Variants in MYO5A observed in about 807,000 individuals in gnomAD.
The protein encoded by MYO5A is myosin VA, also known as unconventional myosin-Va.
Under a neutral mutation model 249.7 loss-of-function variants are expected in MYO5A, and 98 were observed. The observed-to-expected ratio is 0.39, with a 90% CI of 0.33 to 0.46. The LOEUF is 0.46. Among genes scored for constraint, MYO5A ranks in the 20% least tolerant of loss-of-function variants. The pLI is 0.98. For synonymous variants in MYO5A, 778 were observed against 810.6 expected (o/e 0.96, Z 0.68); for missense variants, 1,696 against 2,308.8 (o/e 0.73, Z 5.44).
intron 1 of MYO5A, among the ~76,000 whole-genome samples, chr15:52,455,902 G>A (rs749151693): frequency 7.9e-5 from 12 of 151,808 alleles, no homozygotes; most frequent in Non-Finnish European, 1.3e-4. Context: ...TCTAACATAC[G>A]GATCAACAAA....
At chr15:52,501,976 G>A (rs2141585661) in intron 1 of MYO5A, among the ~76,000 whole-genome samples, 1 of 151,922 alleles carries the variant, frequency 6.6e-6, no homozygotes, top group Non-Finnish European at 1.5e-5. Context: ...ATGAGATGCT[G>A]TTAATTATCT....
rs752918693 is a variant in MYO5A at position 52,354,058 on chromosome 15, A to T, written c.3424-44T>A. Reference sequence around the variant, plus strand: ...AAAGATGGTCAAGACAAGCCAGAAGACATAAAAGCCAATGAGAAAATGACA... The same window carrying T: ...AAAGATGGTCAAGACAAGCCAGAAGTCATAAAAGCCAATGAGAAAATGACA... On this transcript the variant is annotated intron_variant, in intron 25 of 41. Coordinates refer to ENST00000399233, the MANE Select transcript of MYO5A (RefSeq NM_001382347.1). 4 of 1,610,188 alleles carry T rather than the reference A, an allele frequency of 2.5e-6. No homozygotes were observed. The Admixed American group carries it at 6.7e-5, about 27-fold the overall frequency.
At chr15:52,371,638 A>C (rs2041121608) in intron 21 of MYO5A, among the ~76,000 whole-genome samples, 1 of 152,098 alleles carries the variant, frequency 6.6e-6, no homozygotes, top group Admixed American at 6.6e-5. Context: ...TTGTAATCCC[A>C]GTACTTTGGG....
At position 52,313,585 on chromosome 15, in the gene MYO5A, G is replaced by A; in HGVS notation, c.*111C>T. On this transcript the variant is annotated 3_prime_UTR_variant, in exon 42 of 42. Transcript: ENST00000399233. ...TTCCAGTTAATGACTTCTCATTTGG[G>A]AGATAATCAGTACTTTCTCTTTAAA... 9.8e-6 allele frequency: 13 copies of A among 1,323,888 alleles called. 1 individual carries two copies. In the Middle Eastern group the frequency reaches 7.2e-4, roughly 74 times the overall value. 82.0% of individuals were successfully genotyped at this position (1,323,888 alleles called of 1,614,324 possible). A position where few individuals can be genotyped will look rare whatever the true frequency, so the allele number is the denominator to read the frequency against.
chr15:52,344,279 A>G (rs2039513508), intron 30 of MYO5A, among the ~76,000 whole-genome samples: 1 of 152,156 alleles, frequency 6.6e-6, no homozygotes, highest in African/African-American at 2.4e-5. Context: ...CTGTCTACAG[A>G]TTTATATACT....
intron 1 of MYO5A, among the ~76,000 whole-genome samples, chr15:52,449,090 T>A (rs1488669093): frequency 6.8e-6 from 1 of 147,244 alleles, no homozygotes; most frequent in Non-Finnish European, 1.5e-5. Context: ...TGCCTCAGCC[T>A]CCTGAGTACC....
chr15:52,486,895 G>A (rs982224794), intron 1 of MYO5A, among the ~76,000 whole-genome samples: 7 of 152,146 alleles, frequency 4.6e-5, no homozygotes, highest in Non-Finnish European at 8.8e-5. Context: ...ATAGGCACAC[G>A]GGTGAAGGAA....
chr15:52,368,635 TGGCTC>T (rs1484041927), intron 22 of MYO5A, among the ~76,000 whole-genome samples: 2 of 152,190 alleles, frequency 1.3e-5, no homozygotes, highest in Admixed American at 1.3e-4. Flanking sequence ...CCAGGCGCAG[TGGCTC>T]ACACCTGTAA....
chr15:52,375,572 G>T, intron 19 of MYO5A, 112 bp from the exon 20 acceptor site: 1 of 1,090,888 alleles, frequency 9.2e-7, no homozygotes, highest in Non-Finnish European at 1.4e-6. Flanking sequence ...TACCTCCATT[G>T]TATTATTCTA....
chr15:52,418,100 G>C (rs2043600099), intron 4 of MYO5A, among the ~76,000 whole-genome samples: 2 of 152,192 alleles, frequency 1.3e-5, no homozygotes, highest in Non-Finnish European at 2.9e-5. Flanking sequence ...CCAGGCAAAA[G>C]GGATAGCATA....
At chr15:52,355,602 T>G (rs1052141014) in intron 25 of MYO5A, among the ~76,000 whole-genome samples, 1 of 152,246 alleles carries the variant, frequency 6.6e-6, no homozygotes, top group Non-Finnish European at 1.5e-5. Context: ...TATATTGTCT[T>G]GGGTATTACA....
intron 1 of MYO5A, among the ~76,000 whole-genome samples, chr15:52,489,957 C>CA (rs2076902980): frequency 6.6e-6 from 1 of 152,140 alleles, no homozygotes; most frequent in Non-Finnish European, 1.5e-5. Flanking sequence ...CCAATAGGCA[C>CA]ATGAAAAGAT....
chr15:52,504,353 T>G (rs1043928113), intron 1 of MYO5A, among the ~76,000 whole-genome samples: 3 of 152,142 alleles, frequency 2.0e-5, no homozygotes, highest in Non-Finnish European at 4.4e-5. Context: ...GGGAAAGGAC[T>G]GAGGAGGTAG....
intron 36 of MYO5A, among the ~76,000 whole-genome samples, chr15:52,325,995 G>GA (rs1326503842): frequency 2.0e-5 from 3 of 152,172 alleles, no homozygotes; most frequent in Non-Finnish European, 4.4e-5. Context: ...GCTATTTGCA[G>GA]TTTTTGATTT....
chr15:52,515,478 CAAT>C (rs2077478178), intron 1 of MYO5A, among the ~76,000 whole-genome samples: 1 of 151,962 alleles, frequency 6.6e-6, no homozygotes, highest in African/African-American at 2.4e-5. Flanking sequence ...ATAACAACAA[CAAT>C]GACAGTAGCT....
chr15:52,366,574 G>A (rs535811999), intron 23 of MYO5A, among the ~76,000 whole-genome samples: 1 of 113,192 alleles, frequency 8.8e-6, no homozygotes, highest in South Asian at 3.2e-4. Context: ...AAAAATTAGT[G>A]TTTTTTTAGA....
At chr15:52,326,678 T>C (rs144150116) in intron 36 of MYO5A, among the ~76,000 whole-genome samples, 7 of 152,238 alleles carry the variant, frequency 4.6e-5, no homozygotes, top group African/African-American at 1.7e-4. Flanking sequence ...CACGTAACTG[T>C]ACACTTAAAA....
rs1274797925 is a variant in MYO5A at position 52,313,801 on chromosome 15, A to G, written c.5538T>C (p.Ala1846=). The part of the protein sequence containing the change: ...RKDSPQLLMD[A]KHIFPVTFPF... ...GAAAGGTGACAGGAAAGATGTGTTT[A>G]GCATCCATGAGCAGCTGGGGAGAGT... Residue 1846 remains alanine (A), a synonymous_variant, in exon 42 of 42, where the codon GCT becomes GCC. Transcript: ENST00000399233. 6.2e-7 allele frequency: 1 copy of G among 1,614,134 alleles called. No individual in the cohort carries two copies. The highest frequency in any genetic ancestry group is 1.1e-5 in the South Asian group (1 of 91,088).
At chr15:52,362,139 T>C (rs142518796) in intron 24 of MYO5A, among the ~76,000 whole-genome samples, 100 of 152,338 alleles carry the variant, frequency 6.6e-4, no homozygotes, top group Admixed American at 1.5e-3. Context: ...CTTCTTGTAC[T>C]AGGGCCAACA....
Sources: allele counts gnomAD v4.1 joint callset (sites outside exome capture counted in the v4.1 genomes callset), GRCh38; gene constraint gnomAD v4.1.1; transcripts MANE v1.5; gene names NCBI Gene and HGNC (gene_info 2026-07-23, HGNC 2026-07-21).